C4BPA: variants seen among roughly 807,000 people sequenced by gnomAD.
C4BPA encodes complement component 4 binding protein alpha.
Under a neutral mutation model 63.7 loss-of-function variants are expected in C4BPA, and 31 were observed. That is an observed-to-expected ratio of 0.49 (90% CI 0.37 to 0.66). C4BPA has a LOEUF of 0.66. C4BPA is among the 30% of genes least tolerant of loss of function. The pLI is 0.00. For missense variants in C4BPA, 572 were observed against 723.3 expected, an observed-to-expected ratio of 0.79 and a Z score of 2.40; for synonymous variants, 259 against 254.7, an observed-to-expected ratio of 1.02 and a Z score of -0.16.
chr1:207,106,426 C>T (rs2102325340), intron 1 of C4BPA, among the ~76,000 whole-genome samples: 1 of 147,774 alleles, frequency 6.8e-6, no homozygotes, highest in East Asian at 2.0e-4. Context: ...CTGTCTTATT[C>T]CTTCCTCCGT....
In C4BPA at chr1:207,124,014, A is replaced by G; in HGVS notation, c.514+7A>G. 6.3e-7 allele frequency: 1 copy of G among 1,594,482 alleles called. No homozygotes were observed. The highest frequency in any genetic ancestry group is 1.3e-5 in the African/African-American group (1 of 74,690). On this transcript the variant is annotated splice_region_variant and intron_variant, in intron 5 of 11. Coordinates refer to ENST00000367070, the MANE Select transcript of C4BPA (RefSeq NM_000715.4). ...CCTCTCCCACAATGTGAAAGTAAGT[A>G]AAGACTCTTCTGACTTGACTATCAA...
chr1:207,142,618 G>C (rs544254921), intron 10 of C4BPA, among the ~76,000 whole-genome samples: 1 of 152,176 alleles, frequency 6.6e-6, no homozygotes, highest in Admixed American at 6.5e-5. Context: ...ATCCTAACTG[G>C]TGTGAGATGT....
At chr1:207,129,612 G>C (rs1685120373) in intron 7 of C4BPA, among the ~76,000 whole-genome samples, 1 of 152,062 alleles carries the variant, frequency 6.6e-6, no homozygotes, top group South Asian at 2.1e-4. Context: ...TGTAACCCCA[G>C]TAAGATTAAC....
chr1:207,134,387 CA>C lies in C4BPA; in HGVS notation c.1085-16del, dbSNP rs1558095742. ...TGGTGATTTTACTAACCATGCACCT[CA>C]CATTTTATTTTTCAGCGTTATGTTG... On this transcript the variant is annotated splice_polypyrimidine_tract_variant and intron_variant, in intron 8 of 11. Coordinates refer to ENST00000367070, the MANE Select transcript of C4BPA (RefSeq NM_000715.4). 6.3e-7 allele frequency: 1 copy of C among 1,598,414 alleles called. No homozygotes were observed. The highest frequency in any genetic ancestry group is 8.5e-7 in the Non-Finnish European group (1 of 1,169,652).
Position 207,124,350 on chromosome 1 carries a change from C to T in C4BPA, c.690C>T (p.Ser230=), listed in dbSNP as rs780340428. ...ENETIGVWRP[S]PPTCEKITCR... ...AAACAATAGGTGTTTGGAGACCAAG[C>T]CCTCCTACCTGTGAAAGTAAGTCAT... Residue 230 remains serine, a synonymous_variant, in exon 6 of 12, where the codon AGC becomes AGT. Transcript: ENST00000367070. 3.1e-6 allele frequency: 5 copies of T among 1,610,712 alleles called. No individual in the cohort carries two copies. The East Asian group carries it at 8.9e-5, about 29-fold the overall frequency.
At chr1:207,129,885 G>A (rs114425710) in intron 7 of C4BPA, among the ~76,000 whole-genome samples, 2,668 of 151,976 alleles carry the variant, frequency 0.018, 72 homozygotes, top group African/African-American at 0.06. Flanking sequence ...CATTTCTGGC[G>A]CTCTTTATTT....
chr1:207,127,637 GA>G (rs1055595110), intron 7 of C4BPA, among the ~76,000 whole-genome samples: 1 of 152,172 alleles, frequency 6.6e-6, no homozygotes, highest in African/African-American at 2.4e-5. Context: ...GGAGTTTGGG[GA>G]AACCTCTCTC....
At chr1:207,122,320 CTT>C (rs1414200047) in intron 4 of C4BPA, among the ~76,000 whole-genome samples, 2 of 152,104 alleles carry the variant, frequency 1.3e-5, no homozygotes, top group Admixed American at 6.6e-5. Flanking sequence ...TTGGCTCATC[CTT>C]TCTTTTCTTG....
intron 8 of C4BPA, among the ~76,000 whole-genome samples, chr1:207,132,848 C>T (rs1256149677): frequency 6.6e-6 from 1 of 152,034 alleles, no homozygotes; most frequent in Non-Finnish European, 1.5e-5. Flanking sequence ...TAGAGTGAGA[C>T]CCTTGTCTCT....
chr1:207,131,786 T>C (rs1685166999), intron 8 of C4BPA, 46 bp downstream of exon 8: 2 of 1,264,294 alleles, frequency 1.6e-6, no homozygotes, highest in Admixed American at 4.0e-5. Flanking sequence ...ATGTCCAGTA[T>C]GTGCTAGGAT....
At position 207,144,119 on chromosome 1, in the gene C4BPA, C is replaced by T. The variant is rs569477736; in HGVS notation, c.1620+126C>T. 7.0e-5 allele frequency: 47 copies of T among 673,168 alleles called. 1 individual carries two copies. The South Asian group carries it at 1.1e-3, about 16-fold the overall frequency. The allele number at this position is 673,168 out of a possible 1,614,324, so 41.7% of individuals were successfully genotyped here. ...TCAGGATTCATTTCTGAGCCACTCCCACTCAAAGAAACTCTTTTTGTCTTG... is the reference window on the plus strand; with the variant it reads ...TCAGGATTCATTTCTGAGCCACTCCTACTCAAAGAAACTCTTTTTGTCTTG... On this transcript the variant is annotated intron_variant, in intron 11 of 11. Coordinates refer to ENST00000367070, the MANE Select transcript of C4BPA (RefSeq NM_000715.4).
chr1:207,114,293 T>A lies in C4BPA; in HGVS notation c.328+8T>A. ...ATAACACCTTCTGTATCTGTAAGTATCAACATTTATTTTTTTCCTTTGCTT... is the reference window on the plus strand; with the variant it reads ...ATAACACCTTCTGTATCTGTAAGTAACAACATTTATTTTTTTCCTTTGCTT... On this transcript the variant is annotated splice_region_variant and intron_variant, in intron 3 of 11. Transcript: ENST00000367070. 1 of 1,583,268 alleles carries A rather than the reference T, an allele frequency of 6.3e-7. No individual in the cohort carries two copies. Among genetic ancestry groups the A allele is most frequent in the South Asian group, 1.2e-5 (1 of 85,914 alleles).
intron 9 of C4BPA, among the ~76,000 whole-genome samples, chr1:207,135,163 C>G (rs976122966): frequency 1.3e-5 from 2 of 152,164 alleles, no homozygotes; most frequent in Non-Finnish European, 2.9e-5. Context: ...ATGGCGAAAC[C>G]TGGTCTCTGT....
chr1:207,123,862 T>G, intron 4 of C4BPA, 60 bp from the exon 5 acceptor site: 1 of 924,270 alleles, frequency 1.1e-6, no homozygotes, highest in Admixed American at 2.0e-5. Flanking sequence ...TGCTCAGACC[T>G]CTTTAATTTA....
chr1:207,123,639 A>T, intron 4 of C4BPA, among the ~76,000 whole-genome samples: 1 of 152,194 alleles, frequency 6.6e-6, no homozygotes, highest in East Asian at 1.9e-4. Context: ...AACACGCTGA[A>T]GCCAGCCTTT....
At chr1:207,105,277 G>A (rs897987668) in intron 1 of C4BPA, among the ~76,000 whole-genome samples, 2 of 152,120 alleles carry the variant, frequency 1.3e-5, no homozygotes, top group African/African-American at 4.8e-5. Flanking sequence ...AAGAGATTTG[G>A]CCAGGTACGG....
chr1:207,111,805 CGA>C (rs1684673244), intron 1 of C4BPA, among the ~76,000 whole-genome samples: 1 of 152,074 alleles, frequency 6.6e-6, no homozygotes, highest in African/African-American at 2.4e-5. Flanking sequence ...TATGGATGCA[CGA>C]GAGCGTCCAA....
chr1:207,129,638 A>G (rs1257871365), intron 7 of C4BPA, among the ~76,000 whole-genome samples: 1 of 152,186 alleles, frequency 6.6e-6, no homozygotes, highest in Non-Finnish European at 1.5e-5. Context: ...ATTCCTTATC[A>G]GAAAGAATGG....
Position 207,119,151 on chromosome 1 carries a change from C to A in C4BPA, c.428+3636C>A, listed in dbSNP as rs1297126908. ...AATGGGTATGTCCTGTAGAAGTTGT[C>A]CGTCACAGTGCTAATGTACTTGGAT... On this transcript the variant is annotated intron_variant, in intron 4 of 11. Transcript: ENST00000367070. 4.8e-5 allele frequency among the ~76,000 whole-genome samples: 4 copies of A among 83,876 alleles called. 2 individuals are homozygous for A. The highest frequency in any genetic ancestry group is 1.3e-4 in the African/African-American group (4 of 30,750). The allele number at this position is 83,876 out of a possible 152,430, so 55.0% of individuals were successfully genotyped here.
Sources: gnomAD v4.1 joint callset for allele counts (sites outside exome capture counted in the v4.1 genomes callset) on GRCh38, gnomAD v4.1.1 for gene constraint, MANE v1.5 for transcripts, NCBI Gene and HGNC (gene_info 2026-07-23, HGNC 2026-07-21) for gene names.